Variants in ANKUB1 observed in about 807,000 individuals in gnomAD.
ANKUB1 encodes the protein ankyrin repeat and ubiquitin domain containing 1, also known as protein ANKUB1.
A neutral mutation model predicts 49.3 loss-of-function variants in ANKUB1; 42 were observed. The ratio of observed to expected loss-of-function variants is 0.85; its 90% CI spans 0.67 to 1.10. ANKUB1 has a LOEUF of 1.10. ANKUB1 is among the 50% of genes least tolerant of loss of function. ANKUB1 has a pLI of 0.00. For synonymous variants in ANKUB1, 222 were observed against 231.0 expected, an observed-to-expected ratio of 0.96 and a Z score of 0.35; for missense variants, 613 against 642.0, an observed-to-expected ratio of 0.95 and a Z score of 0.49.
intron 3 of ANKUB1, chr3:149,779,528 A>G (rs1485198641): frequency 1.3e-5 from 2 of 152,244 alleles, no homozygotes; most frequent in Non-Finnish European, 2.9e-5. Context: ...GATAAACACT[A>G]TTCCACTAAT....
chr3:149,772,047 C>T (rs1293892497), intron 3 of ANKUB1, among the ~76,000 whole-genome samples: 2 of 128,962 alleles, frequency 1.6e-5, no homozygotes, highest in Non-Finnish European at 3.2e-5. Context: ...TTTTTTTAGA[C>T]GGAGTCTTTC....
At chr3:149,782,063 A>G (rs1339761426) in intron 2 of ANKUB1, among the ~76,000 whole-genome samples, 1 of 152,200 alleles carries the variant, frequency 6.6e-6, no homozygotes, top group African/African-American at 2.4e-5. Context: ...AGAAATTCCT[A>G]TGAAAACTGA....
rs1050047098 is a variant in ANKUB1 at position 149,767,814 on chromosome 3, T to C, written c.848A>G (p.Lys283Arg). Reference sequence around the variant, plus strand: ...TAATACACAGTCTTTATGCTTGTGTTTGAACACAATGGTCAGGGGAGTTTG... The same window carrying C: ...TAATACACAGTCTTTATGCTTGTGTCTGAACACAATGGTCAGGGGAGTTTG... ...AGQTPLTIVF[K>R]HKHKDCVLYL... Residue 283 changes from lysine (K) to arginine (R), a missense_variant, in exon 5 of 6, where the codon AAA becomes AGA. Transcript: ENST00000446160. The C allele has an allele frequency of 2.6e-6, 4 of 1,551,648 alleles. No homozygotes were observed. The African/African-American group carries it at 5.5e-5, about 21-fold the overall frequency.
intron 5 of ANKUB1, chr3:149,764,119 C>G (rs559642405): frequency 1.4e-4 from 61 of 437,106 alleles, no homozygotes; most frequent in Non-Finnish European, 2.5e-4. Context: ...ATGTAGCCAT[C>G]AAGATAGCGT....
At chr3:149,790,416 C>A (rs1718308536) in intron 2 of ANKUB1, among the ~76,000 whole-genome samples, 1 of 152,188 alleles carries the variant, frequency 6.6e-6, no homozygotes, top group Non-Finnish European at 1.5e-5. Context: ...CCTCATTCCA[C>A]TGCCAGTAAT....
chr3:149,767,862 A>T lies in ANKUB1; in HGVS notation c.800T>A (p.Leu267Gln), dbSNP rs1243278937. The T allele has an allele frequency of 3.2e-6, 5 of 1,551,746 alleles. No homozygotes were observed. The highest frequency in any genetic ancestry group is 3.5e-6 in the Non-Finnish European group (4 of 1,147,008). ...TTGTCCTGCTGCATTTTTGCATTCC[A>T]GGCACAGCACACTGTAGTTGACAAA... ...KAFVNYSVLC[L>Q]ECKNAAGQTP... is the part of the protein sequence containing the mutation. Residue 267 changes from leucine (L) to glutamine (Q), a missense_variant, in exon 5 of 6, where the codon CTG becomes CAG. Transcript: ENST00000446160.
At chr3:149,763,875 C>A (rs1426856695) in intron 5 of ANKUB1, 1 of 456,118 alleles carries the variant, frequency 2.2e-6, no homozygotes, top group East Asian at 6.9e-5. Context: ...TTGGAGTCAA[C>A]CCTGAGAGGT....
Position 149,785,208 on chromosome 3 carries a change from C to T in ANKUB1, c.235-4753G>A, listed in dbSNP as rs994779600. Among the ~76,000 whole-genome samples the T allele has an allele frequency of 2.0e-5, 3 of 151,926 alleles. No individual in the cohort carries two copies. The East Asian group carries it at 5.8e-4, about 29-fold the overall frequency. Reference sequence around the variant, plus strand: ...CATAGAAAATATTGATTATGGCTTCCGTAAGAGTTCTTTTCCAAAGAAGGA... The same window carrying T: ...CATAGAAAATATTGATTATGGCTTCTGTAAGAGTTCTTTTCCAAAGAAGGA... On this transcript the variant is annotated intron_variant, in intron 2 of 5. Transcript: ENST00000446160.
At chr3:149,773,654 A>G (rs1472874117) in intron 3 of ANKUB1, among the ~76,000 whole-genome samples, 1 of 152,196 alleles carries the variant, frequency 6.6e-6, no homozygotes, top group East Asian at 1.9e-4. Context: ...AGGACTTTAA[A>G]CACTGCTCCA....
rs1717807029 is a variant in ANKUB1 at position 149,780,375 on chromosome 3, A to T, written c.315T>A (p.Leu105=). The T allele has an allele frequency of 1.3e-6, 2 of 1,552,020 alleles. No individual in the cohort carries two copies. The highest frequency in any genetic ancestry group is 2.7e-5 in the African/African-American group (2 of 73,030). The stretch of plus-strand genomic sequence containing the variant: ...TTCTCAGATCAGACACTGTTTTATC[A>T]AGAAGGGAAATGCTCTCCATTACTG... ...TMPVMESISL[L]DKTVSDLRTL... is the part of the protein sequence containing the mutation. The change falls in exon 3 of 6, where the codon CTT becomes CTA. Residue 105 remains leucine, a synonymous_variant. Coordinates refer to ENST00000446160, the MANE Select transcript of ANKUB1 (RefSeq NM_001144960.3).
chr3:149,767,491 T>C lies in ANKUB1; in HGVS notation c.1171A>G (p.Asn391Asp). Residue 391 changes from asparagine (N) to aspartate (D), a missense_variant, in exon 5 of 6, where the codon AAT (asparagine) becomes GAT (aspartate). By Grantham distance (23) the Asn-to-Asp change is conservative. Coordinates refer to ENST00000446160, the MANE Select transcript of ANKUB1 (RefSeq NM_001144960.3). ...TCCGGCTGTGAAATTGCCAAAGGAT[T>C]GACAGGTTTGCTGCTTGCAGTTTGT... ...SKQTASSKPVNPLAISQPDTR... is the reference protein window; with the variant it reads ...SKQTASSKPVDPLAISQPDTR... 6.4e-7 allele frequency: 1 copy of C among 1,551,726 alleles called. No homozygotes were observed. The highest frequency in any genetic ancestry group is 2.0e-5 in the Admixed American group (1 of 51,008).
At chr3:149,770,717 G>C in intron 3 of ANKUB1, 43 bp from the exon 4 acceptor site, 1 of 1,251,122 alleles carries the variant, frequency 8.0e-7, no homozygotes. Flanking sequence ...GTCCAGCAGT[G>C]TGGTTTGACA....
At chr3:149,782,997 A>G (rs1253187268) in intron 2 of ANKUB1, 1 of 152,228 alleles carries the variant, frequency 6.6e-6, no homozygotes, top group Non-Finnish European at 1.5e-5. Flanking sequence ...ATAAATAAAT[A>G]ATAAATGTTG....
rs528260346 is a variant in ANKUB1 at position 149,768,002 on chromosome 3, C to T, written c.660G>A (p.Glu220=). The part of the protein sequence containing the change: ...WALKQGARPH[E]AVGVHPYRAW... ...CTCGATAGGGGTGAACACCGACTGC[C>T]TCGTGGGGCCGCGCACCCTGCTTCA... is the stretch of plus-strand genomic sequence containing the variant. The change falls in exon 5 of 6, where the codon GAG becomes GAA. Residue 220 remains glutamate, a synonymous_variant. Transcript: ENST00000446160. The T allele has an allele frequency of 1.7e-4, 252 of 1,509,978 alleles. No individual in the cohort carries two copies. The highest frequency in any genetic ancestry group is 2.0e-4 in the Non-Finnish European group (227 of 1,123,006). The allele number at this position is 1,509,978 out of a possible 1,614,324, so 93.5% of individuals were successfully genotyped here. A position where few individuals can be genotyped will look rare whatever the true frequency, so the allele number is the denominator to read the frequency against.
chr3:149,768,790 A>T (rs1717189871), intron 4 of ANKUB1, among the ~76,000 whole-genome samples: 1 of 151,580 alleles, frequency 6.6e-6, no homozygotes. Context: ...TGATCTGCCC[A>T]CCTTGGCCTC....
At chr3:149,769,648 T>A (rs943445940) in intron 4 of ANKUB1, among the ~76,000 whole-genome samples, 2 of 152,220 alleles carry the variant, frequency 1.3e-5, no homozygotes, top group Non-Finnish European at 2.9e-5. Context: ...ACAAAGCCTA[T>A]ATTATAATGT....
intron 2 of ANKUB1, among the ~76,000 whole-genome samples, chr3:149,784,816 C>T (rs1718022951): frequency 1.3e-5 from 2 of 152,154 alleles, no homozygotes; most frequent in South Asian, 4.1e-4. Flanking sequence ...CCCTGAAATG[C>T]ATCTCAGTAC....
intron 2 of ANKUB1, among the ~76,000 whole-genome samples, chr3:149,789,537 A>G (rs545645061): frequency 3.9e-5 from 6 of 152,308 alleles, no homozygotes; most frequent in Non-Finnish European, 7.4e-5. Context: ...AACGTATGTA[A>G]ATATGGTCTT....
At position 149,768,106 on chromosome 3, in the gene ANKUB1, G is replaced by A; in HGVS notation, c.567-11C>T. On this transcript the variant is annotated splice_polypyrimidine_tract_variant and intron_variant, in intron 4 of 5. Coordinates refer to ENST00000446160, the MANE Select transcript of ANKUB1 (RefSeq NM_001144960.3). ...ACCCTTTTCTGATACCTAAATGAGT[G>A]AAACAAGTGGGGAGGGGGTGTTTAG... 7.5e-7 allele frequency: 1 copy of A among 1,335,198 alleles called. No homozygotes were observed. The highest frequency in any genetic ancestry group is 9.7e-7 in the Non-Finnish European group (1 of 1,031,694). 82.7% of individuals were successfully genotyped at this position (1,335,198 alleles called of 1,614,324 possible).
Sources: gnomAD v4.1 joint callset for allele counts (sites outside exome capture counted in the v4.1 genomes callset) on GRCh38, gnomAD v4.1.1 for gene constraint, MANE v1.5 for transcripts, NCBI Gene and HGNC (gene_info 2026-07-23, HGNC 2026-07-21) for gene names.